Variants in TAFA2 observed in about 807,000 individuals in gnomAD.
TAFA2 encodes the protein chemokine-like protein TAFA-2.
Under a neutral mutation model 18.8 loss-of-function variants are expected in TAFA2, and 7 were observed. The observed-to-expected ratio is 0.37, with a 90% CI of 0.21 to 0.70. The LOEUF is 0.70. TAFA2 is among the 30% of genes least tolerant of loss of function. TAFA2 has a pLI of 0.53. For synonymous variants in TAFA2, 60 were observed against 54.2 expected (o/e 1.11, Z -0.47); for missense variants, 122 against 158.1 (o/e 0.77, Z 1.23).
intron 2 of TAFA2, among the ~76,000 whole-genome samples, chr12:61,823,529 G>A (rs139850351): frequency 5.3e-5 from 8 of 152,212 alleles, no homozygotes; most frequent in African/African-American, 1.4e-4. Context: ...AAGTTACTCC[G>A]TCTCGGCATT....
chr12:61,814,704 T>C (rs1872006019), intron 2 of TAFA2, among the ~76,000 whole-genome samples: 1 of 151,262 alleles, frequency 6.6e-6, no homozygotes, highest in Non-Finnish European at 1.5e-5. Context: ...GATGGAAGAT[T>C]ATTCTGGATT....
intron 1 of TAFA2, among the ~76,000 whole-genome samples, chr12:61,952,084 C>A (rs970672406): frequency 6.6e-6 from 1 of 152,012 alleles, no homozygotes; most frequent in African/African-American, 2.4e-5. Flanking sequence ...TGCTACATTT[C>A]CCCAGCCTTC....
At chr12:61,780,366 G>T (rs1199168354) in intron 2 of TAFA2, among the ~76,000 whole-genome samples, 2 of 151,768 alleles carry the variant, frequency 1.3e-5, no homozygotes, top group African/African-American at 4.8e-5. Flanking sequence ...AGTGTGGAAG[G>T]CAGGTGACCA....
At chr12:62,025,548 G>A (rs890671777) in intron 1 of TAFA2, among the ~76,000 whole-genome samples, 11 of 152,196 alleles carry the variant, frequency 7.2e-5, no homozygotes, top group Admixed American at 5.9e-4. Flanking sequence ...ATTATGGACT[G>A]TTTGTACTTA....
chr12:61,993,757 T>C (rs1341990120), intron 1 of TAFA2, among the ~76,000 whole-genome samples: 1 of 152,196 alleles, frequency 6.6e-6, no homozygotes, highest in African/African-American at 2.4e-5. Context: ...ATACAGACAA[T>C]GAAAATAATC....
chr12:62,026,029 T>C (rs751563427), intron 1 of TAFA2, among the ~76,000 whole-genome samples: 14 of 152,056 alleles, frequency 9.2e-5, no homozygotes, highest in Non-Finnish European at 1.9e-4. Flanking sequence ...AGGAACCCAA[T>C]CAATGAGGAT....
intron 2 of TAFA2, among the ~76,000 whole-genome samples, chr12:61,756,828 T>C (rs1869296343): frequency 6.6e-6 from 1 of 152,006 alleles, no homozygotes; most frequent in Non-Finnish European, 1.5e-5. Flanking sequence ...GAGAAGGAAG[T>C]CTCTAATATG....
intron 2 of TAFA2, among the ~76,000 whole-genome samples, chr12:61,768,079 C>T (rs1030081898): frequency 1.3e-5 from 2 of 152,086 alleles, no homozygotes; most frequent in Non-Finnish European, 1.5e-5. Flanking sequence ...TAGTCATTCA[C>T]ACATTGAAGA....
intron 1 of TAFA2, among the ~76,000 whole-genome samples, chr12:61,983,598 G>A (rs1879716857): frequency 6.6e-6 from 1 of 152,014 alleles, no homozygotes; most frequent in Non-Finnish European, 1.5e-5. Flanking sequence ...AGTACAGACG[G>A]GGTTTCACTG....
chr12:62,099,475 C>T (rs1869093770), intron 1 of TAFA2, among the ~76,000 whole-genome samples: 1 of 152,120 alleles, frequency 6.6e-6, no homozygotes, highest in African/African-American at 2.4e-5. Flanking sequence ...ACCACACTAG[C>T]ACTTAACTAC....
intron 1 of TAFA2, among the ~76,000 whole-genome samples, chr12:62,220,880 G>A (rs1293921815): frequency 2.0e-5 from 3 of 152,052 alleles, no homozygotes; most frequent in East Asian, 1.9e-4. Context: ...AGGCCGAGGC[G>A]GGCGGATCAC....
At chr12:62,021,948 C>A in intron 1 of TAFA2, 1 of 714,326 alleles carries the variant, frequency 1.4e-6, no homozygotes. Flanking sequence ...CATGGCAGGC[C>A]CTCCTCACAG....
chr12:61,815,760 C>G (rs1033089986), intron 2 of TAFA2, among the ~76,000 whole-genome samples: 1 of 150,918 alleles, frequency 6.6e-6, no homozygotes, highest in African/African-American at 2.5e-5. Flanking sequence ...ATTTGAGAAT[C>G]GCAGTATTTA....
intron 1 of TAFA2, among the ~76,000 whole-genome samples, chr12:61,993,388 G>C (rs1880074758): frequency 6.6e-6 from 1 of 152,092 alleles, no homozygotes; most frequent in African/African-American, 2.4e-5. Context: ...TAATGTATAT[G>C]TGTATGTTGG....
intron 1 of TAFA2, among the ~76,000 whole-genome samples, chr12:62,137,942 G>A (rs982919995): frequency 3.9e-5 from 6 of 152,022 alleles, no homozygotes; most frequent in Non-Finnish European, 5.9e-5. Flanking sequence ...CCTCACCTTA[G>A]ATCTTCAAAA....
chr12:61,771,362 T>C lies in TAFA2; in HGVS notation c.107-16338A>G, dbSNP rs138777034. ...AGAAAGAAACAATGGACTTAAACTATACCCTAGAACAAATGGACTTAACAG... is the reference window on the plus strand; with the variant it reads ...AGAAAGAAACAATGGACTTAAACTACACCCTAGAACAAATGGACTTAACAG... On this transcript the variant is annotated intron_variant, in intron 2 of 4. Transcript: ENST00000416284. Among the ~76,000 whole-genome samples the C allele has an allele frequency of 1.4e-3, 207 of 152,084 alleles. 1 individual carries two copies. The highest frequency in any genetic ancestry group is 4.7e-3 in the African/African-American group (197 of 41,538).
chr12:61,790,628 A>T (rs1398823610), intron 2 of TAFA2, among the ~76,000 whole-genome samples: 1 of 151,854 alleles, frequency 6.6e-6, no homozygotes, highest in Non-Finnish European at 1.5e-5. Flanking sequence ...GCTACCAAAA[A>T]GCAAGATACC....
At chr12:62,011,324 A>G (rs958896425) in intron 1 of TAFA2, among the ~76,000 whole-genome samples, 2 of 152,030 alleles carry the variant, frequency 1.3e-5, no homozygotes, top group Non-Finnish European at 2.9e-5. Flanking sequence ...AAATGTGGGG[A>G]AAAGAAAGAG....
chr12:61,810,061 G>A (rs1266904259), intron 2 of TAFA2, among the ~76,000 whole-genome samples: 2 of 151,342 alleles, frequency 1.3e-5, no homozygotes, highest in Admixed American at 6.6e-5. Flanking sequence ...CATGATCTTT[G>A]CCATCTGAAT....
Sources: allele counts gnomAD v4.1 joint callset (sites outside exome capture counted in the v4.1 genomes callset), GRCh38; gene constraint gnomAD v4.1.1; transcripts MANE v1.5; gene names NCBI Gene and HGNC (gene_info 2026-07-23, HGNC 2026-07-21).